Variants in GFRA1 observed in about 807,000 individuals in gnomAD.
The protein encoded by GFRA1 is GDNF family receptor alpha-1.
GFRA1 carries 16 observed loss-of-function variants against 51.6 expected under a neutral mutation model. The observed-to-expected ratio is 0.31, with a 90% CI of 0.21 to 0.47. GFRA1 has a LOEUF of 0.47. GFRA1 is among the 20% of genes least tolerant of loss of function. GFRA1 has a pLI of 1.00. For synonymous variants in GFRA1, 270 were observed against 241.3 expected (o/e 1.12, Z -1.10); for missense variants, 530 against 594.3 (o/e 0.89, Z 1.13).
chr10:116,243,928 T>TG (rs1967628312), intron 4 of GFRA1, among the ~76,000 whole-genome samples: 1 of 152,030 alleles, frequency 6.6e-6, no homozygotes, highest in African/African-American at 2.4e-5. Context: ...CTTGTAAGAG[T>TG]GGGGTCCCAA....
intron 9 of GFRA1, among the ~76,000 whole-genome samples, chr10:116,067,479 G>A (rs1201433003): frequency 6.6e-6 from 1 of 152,182 alleles, no homozygotes; most frequent in African/African-American, 2.4e-5. Context: ...CAGCCAAGTT[G>A]CGCCTGAGTG....
intron 6 of GFRA1, 21 bp from the exon 7 acceptor site, chr10:116,096,785 T>TG (rs747958591): frequency 2.2e-6 from 3 of 1,340,752 alleles, no homozygotes; most frequent in South Asian, 1.2e-5. Context: ...AAAAAAGGGG[T>TG]GGGGGGTGGA....
chr10:116,272,304 G>C lies in GFRA1; in HGVS notation c.-246-29C>G, dbSNP rs920008633. ...GAAGGGAGGGCGCGCTTTGAGATGA[G>C]AGCGGAGAGCGCCGGAGACTCCCCC... On this transcript the variant is annotated intron_variant, in intron 1 of 10. Coordinates refer to ENST00000355422, the MANE Select transcript of GFRA1 (RefSeq NM_005264.8). This position sits in a 1 kb window ranked among gnomAD's most constrained non-coding sequence, Gnocchi z 4.4. 2.2e-5 allele frequency: 12 copies of C among 557,982 alleles called. No individual in the cohort carries two copies. Among genetic ancestry groups the C allele is most frequent in the Non-Finnish European group, 3.5e-5 (11 of 310,876 alleles). 34.6% of individuals were successfully genotyped at this position (557,982 alleles called of 1,614,324 possible). A position where few individuals can be genotyped will look rare whatever the true frequency, so the allele number is the denominator to read the frequency against.
chr10:116,197,669 T>C (rs1009921359), intron 5 of GFRA1, among the ~76,000 whole-genome samples: 4 of 152,106 alleles, frequency 2.6e-5, no homozygotes, highest in Admixed American at 2.6e-4. Flanking sequence ...CAGGTGGACA[T>C]GAATTTTGTG....
chr10:116,179,557 A>C (rs566357067), intron 5 of GFRA1, among the ~76,000 whole-genome samples: 3 of 152,302 alleles, frequency 2.0e-5, no homozygotes, highest in Admixed American at 6.5e-5. Context: ...CATGCTCTTC[A>C]CCGTCTCAAT....
chr10:116,125,644 A>G, intron 5 of GFRA1, 87 bp from the exon 6 acceptor site: 5 of 1,055,430 alleles, frequency 4.7e-6, no homozygotes, highest in Non-Finnish European at 7.1e-6. Context: ...CCTGCCATTT[A>G]TCTGGCATTG....
chr10:116,212,412 C>T (rs573455964), intron 4 of GFRA1, among the ~76,000 whole-genome samples: 12 of 151,882 alleles, frequency 7.9e-5, no homozygotes, highest in Admixed American at 2.0e-4. Flanking sequence ...CCCATCTACT[C>T]GGGAGGCTGA....
Position 116,169,628 on chromosome 10 carries a change from T to C in GFRA1, c.433+42003A>G, listed in dbSNP as rs116666929. On this transcript the variant is annotated intron_variant, in intron 5 of 10. Transcript: ENST00000355422. ...GGTCACAGAATTTGGCCAAGGTCAG[T>C]TGGAGAAGAGTTCAGTCCCCAGCTG... Among the ~76,000 whole-genome samples the C allele has an allele frequency of 6.2e-3, 942 of 152,304 alleles. 5 individuals carry two copies. The highest frequency in any genetic ancestry group is 0.021 in the African/African-American group (867 of 41,570).
chr10:116,189,222 C>T (rs954888681), intron 5 of GFRA1, among the ~76,000 whole-genome samples: 14 of 152,248 alleles, frequency 9.2e-5, no homozygotes, highest in Non-Finnish European at 2.1e-4. Context: ...CCTTCTTCCC[C>T]CACGAAGGGC....
intron 6 of GFRA1, among the ~76,000 whole-genome samples, chr10:116,098,399 A>C (rs1809996934): frequency 6.6e-6 from 1 of 152,244 alleles, no homozygotes; most frequent in Non-Finnish European, 1.5e-5. Context: ...GCCTGGCTAA[A>C]GGATTCGTTT....
intron 6 of GFRA1, among the ~76,000 whole-genome samples, chr10:116,112,731 C>T (rs551822466): frequency 1.3e-5 from 2 of 152,330 alleles, no homozygotes; most frequent in South Asian, 4.1e-4. Context: ...AGTGCTCCAG[C>T]CTGCCAAGCA....
chr10:116,233,373 A>G (rs1043522564), intron 4 of GFRA1, among the ~76,000 whole-genome samples: 1 of 152,144 alleles, frequency 6.6e-6, no homozygotes, highest in Non-Finnish European at 1.5e-5. Flanking sequence ...CTTTCGGAGT[A>G]CACTTGGAAA....
chr10:116,218,679 A>C (rs1327118910), intron 4 of GFRA1, among the ~76,000 whole-genome samples: 1 of 152,176 alleles, frequency 6.6e-6, no homozygotes, highest in Non-Finnish European at 1.5e-5. Flanking sequence ...TCCTCCAGGC[A>C]CAATAAGGTT....
intron 5 of GFRA1, among the ~76,000 whole-genome samples, chr10:116,187,067 G>A (rs1208821077): frequency 6.6e-6 from 1 of 152,186 alleles, no homozygotes; most frequent in Non-Finnish European, 1.5e-5. Context: ...GTTGTGTTCA[G>A]ATAACTGTGC....
At chr10:116,164,837 C>A (rs1020971923) in intron 5 of GFRA1, among the ~76,000 whole-genome samples, 12 of 152,140 alleles carry the variant, frequency 7.9e-5, no homozygotes, top group African/African-American at 2.9e-4. Flanking sequence ...CCCTCGTTTT[C>A]TTATTTTCTT....
intron 6 of GFRA1, among the ~76,000 whole-genome samples, chr10:116,121,361 T>C (rs2134007005): frequency 6.6e-6 from 1 of 152,250 alleles, no homozygotes; most frequent in East Asian, 1.9e-4. Flanking sequence ...GCATTTGCTT[T>C]TCTGTAGACA....
chr10:116,202,609 C>T (rs1964425087), intron 5 of GFRA1, among the ~76,000 whole-genome samples: 1 of 152,076 alleles, frequency 6.6e-6, no homozygotes, highest in Non-Finnish European at 1.5e-5. Context: ...AGGAAACTTA[C>T]AATCATGGTG....
intron 5 of GFRA1, among the ~76,000 whole-genome samples, chr10:116,190,858 C>T (rs1963192835): frequency 6.6e-6 from 1 of 152,192 alleles, no homozygotes; most frequent in Non-Finnish European, 1.5e-5. Context: ...GCATTAAAGG[C>T]ATAATAACAC....
At chr10:116,216,790 A>G (rs954495454) in intron 4 of GFRA1, among the ~76,000 whole-genome samples, 1 of 152,186 alleles carries the variant, frequency 6.6e-6, no homozygotes, top group Admixed American at 6.5e-5. Context: ...GTGCTTTTAC[A>G]GTAAAGCACT....
Sources: gnomAD v4.1 joint callset for allele counts (sites outside exome capture counted in the v4.1 genomes callset) on GRCh38, gnomAD v4.1.1 for gene constraint, Gnocchi (gnomAD v3.1) non-coding constraint, MANE v1.5 for transcripts, NCBI Gene and HGNC (gene_info 2026-07-23, HGNC 2026-07-21) for gene names.